The following KDM4C variants were observed in gnomAD, a reference collection of about 807,000 sequenced individuals.
The protein encoded by KDM4C is lysine-specific demethylase 4C.
A neutral mutation model predicts 129.3 loss-of-function variants in KDM4C; 81 were observed. The observed-to-expected ratio is 0.63, with a 90% CI of 0.52 to 0.75. The LOEUF (loss-of-function observed/expected upper bound fraction) is 0.75, where lower values mean the gene tolerates loss of function less well. Among genes scored for constraint, KDM4C ranks in the 30% least tolerant of loss-of-function variants. KDM4C has a pLI of 0.00. For missense variants in KDM4C, 1,457 were observed against 1,304.0 expected (o/e 1.12, Z -1.81); for synonymous variants, 573 against 456.1 (o/e 1.26, Z -3.26).
At chr9:7,069,006 C>G (rs936529267) in intron 17 of KDM4C, among the ~76,000 whole-genome samples, 2 of 151,994 alleles carry the variant, frequency 1.3e-5, no homozygotes, top group African/African-American at 4.8e-5. Context: ...CTATGATGCC[C>G]TACTTTCTAT....
chr9:7,110,183 A>G (rs1838160472), intron 18 of KDM4C, among the ~76,000 whole-genome samples: 1 of 152,250 alleles, frequency 6.6e-6, no homozygotes, highest in African/African-American at 2.4e-5. Context: ...CTTGGTTTCT[A>G]TTGTACCAAA....
intron 17 of KDM4C, among the ~76,000 whole-genome samples, chr9:7,068,927 C>T (rs1479866964): frequency 1.3e-5 from 2 of 152,046 alleles, no homozygotes; most frequent in East Asian, 3.9e-4. Flanking sequence ...GAACTCCTGA[C>T]CTCAGGTGAT....
chr9:6,987,096 C>T lies in KDM4C; in HGVS notation c.1677+430C>T, dbSNP rs115385549. On this transcript the variant is annotated intron_variant, in intron 11 of 21. Coordinates refer to ENST00000381309, the MANE Select transcript of KDM4C (RefSeq NM_015061.6). ...AAAGATTACAGAATTGTTCTGTCAC[C>T]TGCAGAAGAATTCATCTGCTGGGCA... Among the ~76,000 whole-genome samples, 574 of 152,294 alleles carry T rather than the reference C, an allele frequency of 3.8e-3. 2 individuals are homozygous for T. The highest frequency in any genetic ancestry group is 0.013 in the African/African-American group (558 of 41,562).
intron 13 of KDM4C, among the ~76,000 whole-genome samples, chr9:7,013,091 A>C (rs1436331882): frequency 6.6e-6 from 1 of 152,134 alleles, no homozygotes; most frequent in Non-Finnish European, 1.5e-5. Context: ...TTTCTATATT[A>C]TAATCTGTAT....
Position 7,045,791 on chromosome 9 carries a change from A to G in KDM4C, c.2260-1071A>G, listed in dbSNP as rs547074964. The stretch of plus-strand genomic sequence containing the variant: ...TGTTTGCATTTATTACTGCCTAACA[A>G]AAGTTATACAGATACATGATTCTTT... On this transcript the variant is annotated intron_variant, in intron 15 of 21. Transcript: ENST00000381309. Among the ~76,000 whole-genome samples the G allele has an allele frequency of 1.1e-4, 17 of 152,196 alleles. 1 individual carries two copies. The highest frequency in any genetic ancestry group is 1.0e-3 in the Admixed American group (16 of 15,276).
At chr9:6,931,440 A>C (rs1026405885) in intron 8 of KDM4C, among the ~76,000 whole-genome samples, 1 of 152,176 alleles carries the variant, frequency 6.6e-6, no homozygotes, top group Non-Finnish European at 1.5e-5. Context: ...ACACGCATGC[A>C]TGAAAATTAG....
intron 5 of KDM4C, among the ~76,000 whole-genome samples, chr9:6,866,971 TTG>T (rs369963257): frequency 0.55 from 69,290 of 125,994 alleles, 19,519 homozygotes; most frequent in South Asian, 0.75. Context: ...AAATATATGT[TTG>T]TGTGTGTGTG....
chr9:6,773,981 G>A (rs1035829193), intron 1 of KDM4C, among the ~76,000 whole-genome samples: 2 of 151,582 alleles, frequency 1.3e-5, no homozygotes, highest in Admixed American at 6.6e-5. Context: ...TCCGCCTCCC[G>A]AGTTCAAGCA....
At chr9:6,951,284 G>C in intron 8 of KDM4C, among the ~76,000 whole-genome samples, 1 of 152,120 alleles carries the variant, frequency 6.6e-6, no homozygotes. Flanking sequence ...CTATCTAGCT[G>C]TAACTTTGTA....
intron 7 of KDM4C, among the ~76,000 whole-genome samples, chr9:6,890,461 T>G (rs1209451513): frequency 6.6e-6 from 1 of 152,240 alleles, no homozygotes; most frequent in Non-Finnish European, 1.5e-5. Flanking sequence ...ATTTGCCATA[T>G]TCATACATAT....
chr9:6,924,264 G>A (rs1822068738), intron 8 of KDM4C, among the ~76,000 whole-genome samples: 3 of 152,156 alleles, frequency 2.0e-5, no homozygotes, highest in Admixed American at 2.0e-4. Context: ...TTAATATACT[G>A]AACAGTGTTT....
chr9:6,994,282 G>A (rs941742627), intron 12 of KDM4C, among the ~76,000 whole-genome samples: 3 of 152,108 alleles, frequency 2.0e-5, no homozygotes, highest in Admixed American at 6.6e-5. Flanking sequence ...TGGGAGTTGG[G>A]GACCCCTGAT....
In KDM4C at chr9:7,169,888, T is replaced by C. The variant is rs1343699512; in HGVS notation, c.2992T>C (p.Phe998Leu). 3 of 1,613,854 alleles carry C rather than the reference T, an allele frequency of 1.9e-6. No individual in the cohort carries two copies. In the South Asian group the frequency reaches 3.3e-5, roughly 18 times the overall value. The change falls in exon 21 of 22, where the codon TTT (phenylalanine) becomes CTT (leucine). Residue 998 changes from phenylalanine (F) to leucine (L), a missense_variant and splice_region_variant. By Grantham distance (22) the Phe-to-Leu change is conservative. Transcript: ENST00000381309. ...GTTACCCAAGAGAGTGAAAGCTCGA[T>C]TTGTAAGTGCTGGCAGATGCCACTT... ...EELPKRVKAR[F>L]STASDMRFED...
chr9:6,959,369 T>C (rs1829647256), intron 8 of KDM4C, among the ~76,000 whole-genome samples: 1 of 152,238 alleles, frequency 6.6e-6, no homozygotes, highest in African/African-American at 2.4e-5. Context: ...TTTCTTCAGA[T>C]ACTAGACTGT....
chr9:7,047,351 C>G (rs1363574100), intron 16 of KDM4C, among the ~76,000 whole-genome samples: 1 of 151,854 alleles, frequency 6.6e-6, no homozygotes, highest in Non-Finnish European at 1.5e-5. Context: ...TTTACATTAG[C>G]AAATTTATGA....
At chr9:6,837,635 C>T (rs919305399) in intron 4 of KDM4C, among the ~76,000 whole-genome samples, 1 of 152,166 alleles carries the variant, frequency 6.6e-6, no homozygotes, top group Non-Finnish European at 1.5e-5. Context: ...ATCGGCCATT[C>T]ATATTCCTGT....
chr9:7,126,010 T>A lies in KDM4C; in HGVS notation c.2611-2056T>A, dbSNP rs544352272. On this transcript the variant is annotated intron_variant, in intron 18 of 21. Transcript: ENST00000381309. ...GAAAGGGGAACGGGGACTATAGCCT[T>A]ATCTTGAAAATCAAAACAAACAACC... 2.0e-5 allele frequency among the ~76,000 whole-genome samples: 3 copies of A among 152,334 alleles called. No individual in the cohort carries two copies. The South Asian group carries it at 6.2e-4, about 32-fold the overall frequency.
In KDM4C at chr9:6,829,669, G is replaced by T. The variant is rs576447663; in HGVS notation, c.435+14924G>T. ...TACTCTTTCAGACAGTCACCAGGAA[G>T]GATGGTTAGAGCTTGAACACTGTGT... On this transcript the variant is annotated intron_variant, in intron 4 of 21. Transcript: ENST00000381309. Among the ~76,000 whole-genome samples, 197 of 152,326 alleles carry T rather than the reference G, an allele frequency of 1.3e-3. 1 individual carries two copies. The highest frequency in any genetic ancestry group is 3.4e-3 in the Middle Eastern group (1 of 294).
intron 5 of KDM4C, among the ~76,000 whole-genome samples, chr9:6,864,742 C>T (rs999035002): frequency 1.3e-5 from 2 of 151,624 alleles, no homozygotes; most frequent in Non-Finnish European, 2.9e-5. Flanking sequence ...TTGCTCAGTT[C>T]CCCCTTGAAC....
Sources: gnomAD v4.1 joint callset for allele counts (sites outside exome capture counted in the v4.1 genomes callset) on GRCh38, gnomAD v4.1.1 for gene constraint, MANE v1.5 for transcripts, NCBI Gene and HGNC (gene_info 2026-07-23, HGNC 2026-07-21) for gene names.